The following SLC10A2 variants were observed in gnomAD, a reference collection of about 807,000 sequenced individuals.
SLC10A2 encodes ileal sodium/bile acid cotransporter.
In SLC10A2, 34 loss-of-function variants were observed where a neutral mutation model predicts 27.1. The ratio of observed to expected loss-of-function variants is 1.26; its 90% confidence interval spans 0.96 to 1.67. The LOEUF is 1.67. Ranked by LOEUF, SLC10A2 falls within the 40% of genes most tolerant of loss-of-function variation. The pLI is 0.00. For synonymous variants in SLC10A2, 205 were observed against 174.0 expected, an observed-to-expected ratio of 1.18 and a Z score of -1.40; for missense variants, 530 against 444.4, an observed-to-expected ratio of 1.19 and a Z score of -1.73.
At chr13:103,058,151 A>T in intron 2 of SLC10A2, 113 bp downstream of exon 2, 1 of 785,168 alleles carries the variant, frequency 1.3e-6, no homozygotes, top group Non-Finnish European at 2.3e-6. Context: ...AATCAGGCAA[A>T]AACTCCTACT....
At chr13:103,048,678 G>C (rs76920716) in intron 5 of SLC10A2, among the ~76,000 whole-genome samples, 1 of 152,234 alleles carries the variant, frequency 6.6e-6, no homozygotes, top group Non-Finnish European at 1.5e-5. Context: ...GCCAGTGGGC[G>C]GTGGGGCCTG....
At chr13:103,064,890 A>G (rs1010549763) in intron 1 of SLC10A2, among the ~76,000 whole-genome samples, 2 of 152,200 alleles carry the variant, frequency 1.3e-5, no homozygotes, top group African/African-American at 4.8e-5. Context: ...CAGGTTCCTA[A>G]TTGATCACTG....
Position 103,065,892 on chromosome 13 carries a change from C to T in SLC10A2, c.358G>A (p.Asp120Asn), listed in dbSNP as rs779125883. Residue 120 changes from aspartate (D) to asparagine (N), a missense_variant, in exon 1 of 6, where the codon GAT (aspartate) becomes AAT (asparagine). Transcript: ENST00000245312. Reference sequence around the variant, plus strand: ...TCTTACCTCAGGTCCATGTCGCCATCGACCCAATAGGCCAAGATATTGGAG... The same window carrying T: ...TCTTACCTCAGGTCCATGTCGCCATTGACCCAATAGGCCAAGATATTGGAG... The part of the protein sequence containing the change: ...TASNILAYWV[D>N]GDMDLSVSMT... The T allele has an allele frequency of 8.1e-6, 13 of 1,613,966 alleles. No individual in the cohort carries two copies. Among genetic ancestry groups the T allele is most frequent in the South Asian group, 5.5e-5 (5 of 91,068 alleles).
intron 2 of SLC10A2, among the ~76,000 whole-genome samples, 199 bp downstream of exon 2, chr13:103,058,065 G>C (rs1002896292): frequency 1.3e-5 from 2 of 152,008 alleles, no homozygotes; most frequent in African/African-American, 4.8e-5. Flanking sequence ...AGAAAAGACA[G>C]GTTCTCCCAT....
intron 5 of SLC10A2, among the ~76,000 whole-genome samples, chr13:103,047,138 T>A (rs923981386): frequency 6.6e-6 from 1 of 152,142 alleles, no homozygotes; most frequent in Non-Finnish European, 1.5e-5. Flanking sequence ...AGCTACCTCA[T>A]AGGGCAATTG....
intron 5 of SLC10A2, among the ~76,000 whole-genome samples, chr13:103,048,523 G>A (rs2138911281): frequency 6.6e-6 from 1 of 152,172 alleles, no homozygotes; most frequent in East Asian, 1.9e-4. Flanking sequence ...TTTGTTGCGT[G>A]CCTTCACTTT....
rs1456902073 is a variant in SLC10A2, at chr13:103,065,990, G to C, written c.260C>G (p.Ser87Trp). 6.8e-6 allele frequency: 11 copies of C among 1,613,980 alleles called. No homozygotes were observed. Among genetic ancestry groups the C allele is most frequent in the Non-Finnish European group, 7.6e-6 (9 of 1,179,986 alleles). ...GIMPLTGFIL[S>W]VAFDILPLQA... ...GAGCGGGAGGATGTCAAAGGCCACC[G>C]ACAGGATGAATCCTGTGAGGGGCAT... The change falls in exon 1 of 6, where the codon TCG becomes TGG. Residue 87 changes from serine (S) to tryptophan (W), a missense_variant. Coordinates refer to ENST00000245312, the MANE Select transcript of SLC10A2 (RefSeq NM_000452.3).
chr13:103,064,695 A>G (rs1876220235), intron 1 of SLC10A2, among the ~76,000 whole-genome samples: 1 of 152,164 alleles, frequency 6.6e-6, no homozygotes, highest in South Asian at 2.1e-4. Context: ...TCACAGATTA[A>G]CTAAACCTGA....
At chr13:103,056,174 A>T (rs1467124898) in intron 2 of SLC10A2, among the ~76,000 whole-genome samples, 3 of 152,242 alleles carry the variant, frequency 2.0e-5, no homozygotes, top group Non-Finnish European at 4.4e-5. Context: ...TGCAGAAAGT[A>T]AAATTGCCTT....
chr13:103,051,137 C>T, intron 4 of SLC10A2, 120 bp downstream of exon 4: 1 of 939,826 alleles, frequency 1.1e-6, no homozygotes, highest in East Asian at 2.5e-5. Context: ...AACCATGAGA[C>T]AATAAGTGTC....
chr13:103,066,366 C>T lies in SLC10A2; in HGVS notation c.-117G>A. Reference sequence around the variant, plus strand: ...TCTACCCCATCAAACTTTTAAACCCCTCCTAAAAATATGTCACTTGGTGTC... The same window carrying T: ...TCTACCCCATCAAACTTTTAAACCCTTCCTAAAAATATGTCACTTGGTGTC... On this transcript the variant is annotated 5_prime_UTR_variant, in exon 1 of 6. Coordinates refer to ENST00000245312, the MANE Select transcript of SLC10A2 (RefSeq NM_000452.3). 8.5e-7 allele frequency: 1 copy of T among 1,171,882 alleles called. No individual in the cohort carries two copies. The highest frequency in any genetic ancestry group is 1.9e-5 in the South Asian group (1 of 52,198). The allele number at this position is 1,171,882 out of a possible 1,614,324, so 72.6% of individuals were successfully genotyped here.
intron 1 of SLC10A2, 33 bp downstream of exon 1, chr13:103,065,840 G>A (rs1876255131): frequency 6.2e-7 from 1 of 1,610,812 alleles, no homozygotes; most frequent in Non-Finnish European, 8.5e-7. Context: ...ACTCCAAGGT[G>A]ATTGCAGTAG....
chr13:103,046,727 A>C (rs966769125), intron 5 of SLC10A2, among the ~76,000 whole-genome samples: 3 of 152,132 alleles, frequency 2.0e-5, no homozygotes, highest in African/African-American at 4.8e-5. Flanking sequence ...TCCCCCGGAG[A>C]GAAGAGACTC....
At chr13:103,050,223 A>G (rs935856393) in intron 4 of SLC10A2, among the ~76,000 whole-genome samples, 1 of 152,166 alleles carries the variant, frequency 6.6e-6, no homozygotes, top group African/African-American at 2.4e-5. Context: ...CCCATTCTAC[A>G]GATGATAAAA....
At chr13:103,047,291 A>C (rs1875641278) in intron 5 of SLC10A2, among the ~76,000 whole-genome samples, 1 of 152,106 alleles carries the variant, frequency 6.6e-6, no homozygotes, top group African/African-American at 2.4e-5. Context: ...CAAGATCAAT[A>C]TTTCCTTTAG....
chr13:103,045,739 A>G lies in SLC10A2; in HGVS notation c.*394T>C, dbSNP rs1367873923. 1 of 166,548 alleles carries G rather than the reference A, an allele frequency of 6.0e-6. No individual in the cohort carries two copies. The highest frequency in any genetic ancestry group is 2.4e-5 in the African/African-American group (1 of 41,592). 10.3% of individuals were successfully genotyped at this position (166,548 alleles called of 1,614,324 possible). ...CACTGTAATAATAATAATTCATTAC[A>G]TCTACTTTAACATACAGAAAGTCAG... On this transcript the variant is annotated 3_prime_UTR_variant, in exon 6 of 6. Coordinates refer to ENST00000245312, the MANE Select transcript of SLC10A2 (RefSeq NM_000452.3).
In SLC10A2 at chr13:103,049,205, C is replaced by G. The variant is rs59949705; in HGVS notation, c.919+84G>C. ...TATTTGTACAATTCACCACCAGGAA[C>G]GGGGAGTTTTAAAAAAATGTTGTTT... On this transcript the variant is annotated intron_variant, in intron 5 of 5. Coordinates refer to ENST00000245312, the MANE Select transcript of SLC10A2 (RefSeq NM_000452.3). The G allele has an allele frequency of 2.8e-6, 4 of 1,411,556 alleles. No individual in the cohort carries two copies. The Admixed American group carries it at 5.0e-5, about 18-fold the overall frequency. 87.4% of individuals were successfully genotyped at this position (1,411,556 alleles called of 1,614,324 possible). A position where few individuals can be genotyped will look rare whatever the true frequency, so the allele number is the denominator to read the frequency against.
At chr13:103,056,087 A>T (rs1010705718) in intron 2 of SLC10A2, among the ~76,000 whole-genome samples, 8 of 152,250 alleles carry the variant, frequency 5.3e-5, no homozygotes, top group Non-Finnish European at 4.4e-5. Flanking sequence ...GACAAGCTGC[A>T]TAAGGGATAC....
chr13:103,051,375 A>G lies in SLC10A2; in HGVS notation c.643T>C (p.Leu215=). ...GCAATGATCCAGGCGCTTTGGTACA[A>G]TATTCCTCCAACCACAGCTATGAGC... The part of the protein sequence containing the change: ...IVLIAVVGGI[L]YQSAWIIAPK... The change falls in exon 4 of 6, where the codon TTG becomes CTG. Residue 215 remains leucine (L), a synonymous_variant. Coordinates refer to ENST00000245312, the MANE Select transcript of SLC10A2 (RefSeq NM_000452.3). 2 of 1,614,070 alleles carry G rather than the reference A, an allele frequency of 1.2e-6. No homozygotes were observed. The highest frequency in any genetic ancestry group is 1.7e-6 in the Non-Finnish European group (2 of 1,179,970).
Sources: gnomAD v4.1 joint callset for allele counts (sites outside exome capture counted in the v4.1 genomes callset) on GRCh38, gnomAD v4.1.1 for gene constraint, MANE v1.5 for transcripts, NCBI Gene and HGNC (gene_info 2026-07-23, HGNC 2026-07-21) for gene names.